Variants in SLC36A4 observed in about 807,000 individuals in gnomAD.
SLC36A4 encodes the protein solute carrier family 36 member 4.
SLC36A4 carries 49 observed loss-of-function variants against 50.5 expected under a neutral mutation model. The observed-to-expected ratio is 0.97, with a 90% CI of 0.77 to 1.23. The LOEUF (loss-of-function observed/expected upper bound fraction) is 1.23. Among genes scored for constraint, SLC36A4 ranks in the 50% most tolerant of loss-of-function variants. The pLI, the probability that SLC36A4 is intolerant of heterozygous loss-of-function variation, is 0.00. For missense variants in SLC36A4, 611 were observed against 608.4 expected (o/e 1.00, Z -0.05); for synonymous variants, 207 against 206.5 (o/e 1.00, Z -0.02).
At chr11:93,152,415 T>A (rs1200242164) in intron 10 of SLC36A4, 1 of 152,148 alleles carries the variant, frequency 6.6e-6, no homozygotes, top group African/African-American at 2.4e-5. Flanking sequence ...AAGACACAAA[T>A]GAAGTTCAGG....
intron 1 of SLC36A4, among the ~76,000 whole-genome samples, chr11:93,189,785 C>T (rs568039355): frequency 4.6e-5 from 7 of 152,122 alleles, no homozygotes; most frequent in African/African-American, 1.4e-4. Flanking sequence ...AAGGAAAGTA[C>T]GGAAAATGGT....
intron 6 of SLC36A4, 73 bp from the exon 7 acceptor site, chr11:93,168,244 C>CA: frequency 1.3e-6 from 1 of 792,094 alleles, no homozygotes; most frequent in Non-Finnish European, 2.0e-6. Flanking sequence ...AACACATGTA[C>CA]AAAGAAAATC....
rs748993543 is a variant in SLC36A4 at position 93,148,502 on chromosome 11, G to A, written c.*35C>T. The stretch of plus-strand genomic sequence containing the variant: ...AGTTATCTTGATAATTTTCAGAAAT[G>A]GGACAAAAATAGAAGACTCATGATT... On this transcript the variant is annotated 3_prime_UTR_variant, in exon 11 of 11. Coordinates refer to ENST00000326402, the MANE Select transcript of SLC36A4 (RefSeq NM_152313.4). 3.5e-5 allele frequency: 55 copies of A among 1,552,324 alleles called. No homozygotes were observed. The highest frequency in any genetic ancestry group is 4.4e-5 in the Non-Finnish European group (51 of 1,148,718).
intron 6 of SLC36A4, among the ~76,000 whole-genome samples, chr11:93,174,039 G>A (rs1257091459): frequency 8.0e-5 from 12 of 150,708 alleles, no homozygotes; most frequent in African/African-American, 2.7e-4. Context: ...ACCTTGGGCA[G>A]TATAGCCATT....
intron 10 of SLC36A4, among the ~76,000 whole-genome samples, chr11:93,150,819 TAGTA>T (rs1860052764): frequency 6.6e-6 from 1 of 152,020 alleles, no homozygotes; most frequent in Non-Finnish European, 1.5e-5. Context: ...CACCTACTTA[TAGTA>T]AGTAGTAGTA....
In SLC36A4 at chr11:93,148,694, T is replaced by C. The variant is rs1203063592; in HGVS notation, c.1358A>G (p.Asn453Ser). The part of the protein sequence containing the change: ...EHYNIWMVLK[N>S]ISIAFTGVVG... Reference sequence around the variant, plus strand: ...AACTCCAGTGAATGCTATAGAAATATTTTTCAGGACCATCCATATATTATA... The same window carrying C: ...AACTCCAGTGAATGCTATAGAAATACTTTTCAGGACCATCCATATATTATA... Residue 453 changes from asparagine to serine, a missense_variant, in exon 11 of 11, where the codon AAT (asparagine) becomes AGT (serine). By Grantham distance (46) the Asn-to-Ser change is conservative. Coordinates refer to ENST00000326402, the MANE Select transcript of SLC36A4 (RefSeq NM_152313.4). The C allele has an allele frequency of 2.5e-6, 4 of 1,612,736 alleles. No individual in the cohort carries two copies. The highest frequency in any genetic ancestry group is 2.2e-5 in the East Asian group (1 of 44,824).
At position 93,197,819 on chromosome 11, in the gene SLC36A4, G is replaced by A; in HGVS notation, c.14C>T (p.Ala5Val). 6.3e-7 allele frequency: 1 copy of A among 1,577,748 alleles called. No homozygotes were observed. Among genetic ancestry groups the A allele is most frequent in the Non-Finnish European group, 8.5e-7 (1 of 1,170,258 alleles). ...CGCCGCCCCGGCAGCCGCCGGCGTC[G>A]CCGCCGCTTCCATCTCTCGCGGGTC... MEAA[A>V]TPAAAGAARR... Residue 5 changes from alanine to valine, a missense_variant, in exon 1 of 11, where the codon GCG (alanine) becomes GTG (valine). Coordinates refer to ENST00000326402, the MANE Select transcript of SLC36A4 (RefSeq NM_152313.4).
intron 4 of SLC36A4, chr11:93,182,457 G>C (rs1457399939): frequency 6.5e-6 from 1 of 154,804 alleles, no homozygotes; most frequent in Non-Finnish European, 1.4e-5. Context: ...TCAGCAGAGA[G>C]CACCAAAGGC....
In SLC36A4 at chr11:93,167,924, TA is replaced by T. The variant is rs775320791; in HGVS notation, c.768+19del. 1 of 1,530,358 alleles carries T rather than the reference TA, an allele frequency of 6.5e-7. No homozygotes were observed. Among genetic ancestry groups the T allele is most frequent in the Non-Finnish European group, 8.8e-7 (1 of 1,131,902 alleles). 94.8% of individuals were successfully genotyped at this position (1,530,358 alleles called of 1,614,324 possible). On this transcript the variant is annotated intron_variant, in intron 7 of 10. Coordinates refer to ENST00000326402, the MANE Select transcript of SLC36A4 (RefSeq NM_152313.4). ...TACATAAGAAAGATAAGAACTTAGT[TA>T]AAAACTTTTTATACTTACCCTGACA... is the stretch of plus-strand genomic sequence containing the variant.
intron 1 of SLC36A4, among the ~76,000 whole-genome samples, chr11:93,193,921 C>T (rs770536796): frequency 7.9e-5 from 12 of 151,988 alleles, no homozygotes; most frequent in East Asian, 1.9e-4. Context: ...TTGAAAATTG[C>T]GAAACAACCT....
At chr11:93,172,570 A>G (rs145823801) in intron 6 of SLC36A4, among the ~76,000 whole-genome samples, 6,156 of 150,504 alleles carry the variant, frequency 0.041, 178 homozygotes, top group South Asian at 0.095. Context: ...AGCATTAGGT[A>G]TATCTCCCAA....
intron 1 of SLC36A4, among the ~76,000 whole-genome samples, chr11:93,190,279 G>C (rs1200773652): frequency 6.6e-6 from 1 of 152,076 alleles, no homozygotes; most frequent in Non-Finnish European, 1.5e-5. Context: ...AGATAGGTAG[G>C]AGGAATAAGA....
intron 7 of SLC36A4, chr11:93,167,345 T>C (rs757947723): frequency 6.6e-6 from 1 of 152,088 alleles, no homozygotes; most frequent in African/African-American, 2.4e-5. Context: ...GCAAAACACA[T>C]ACATACATAC....
At chr11:93,153,864 T>C (rs1220525372) in intron 10 of SLC36A4, 1 of 213,586 alleles carries the variant, frequency 4.7e-6, no homozygotes, top group East Asian at 9.8e-5. Flanking sequence ...AGTAATGTAA[T>C]TTTCAAAATA....
chr11:93,153,020 T>C (rs1860167683), intron 10 of SLC36A4, among the ~76,000 whole-genome samples: 1 of 152,114 alleles, frequency 6.6e-6, no homozygotes, highest in African/African-American at 2.4e-5. Flanking sequence ...ATTTAAGTAA[T>C]TACTTCGAAA....
chr11:93,150,227 C>T (rs1029828755), intron 10 of SLC36A4, among the ~76,000 whole-genome samples: 1 of 151,980 alleles, frequency 6.6e-6, no homozygotes, highest in Non-Finnish European at 1.5e-5. Context: ...CCACTGCCAT[C>T]GATGACGATT....
At chr11:93,189,195 C>G (rs1027072227) in intron 1 of SLC36A4, among the ~76,000 whole-genome samples, 1 of 151,956 alleles carries the variant, frequency 6.6e-6, no homozygotes, top group African/African-American at 2.4e-5. Context: ...TCCAGAGTAG[C>G]TGGGATAACA....
intron 1 of SLC36A4, among the ~76,000 whole-genome samples, chr11:93,189,281 C>G (rs1272593015): frequency 6.6e-6 from 1 of 152,068 alleles, no homozygotes; most frequent in Non-Finnish European, 1.5e-5. Flanking sequence ...TCATGCTGGT[C>G]TCGAACTCCT....
chr11:93,153,941 T>C (rs1476673333), intron 10 of SLC36A4, 167 bp downstream of exon 10: 8 of 349,590 alleles, frequency 2.3e-5, no homozygotes, highest in Admixed American at 4.7e-5. Context: ...AGTAGAAAAA[T>C]TGAATTTTAA....
Sources: gnomAD v4.1 joint callset for allele counts (sites outside exome capture counted in the v4.1 genomes callset) on GRCh38, gnomAD v4.1.1 for gene constraint, MANE v1.5 for transcripts, NCBI Gene and HGNC (gene_info 2026-07-23, HGNC 2026-07-21) for gene names.